Variants in PRKCE observed in about 807,000 individuals in gnomAD.
PRKCE encodes protein kinase C epsilon, also known as protein kinase C epsilon type.
In PRKCE, 16 loss-of-function variants were observed where a neutral mutation model predicts 85.4. That is an observed-to-expected ratio of 0.19 (90% confidence interval 0.13 to 0.28). PRKCE has a LOEUF of 0.28. PRKCE is among the 10% of genes least tolerant of loss of function. The pLI is 1.00. For synonymous variants in PRKCE, 388 were observed against 371.5 expected (o/e 1.04, Z -0.51); for missense variants, 573 against 975.2 (o/e 0.59, Z 5.49).
At chr2:46,017,464 T>G (rs1186640864) in intron 10 of PRKCE, among the ~76,000 whole-genome samples, 2 of 152,240 alleles carry the variant, frequency 1.3e-5, no homozygotes, top group Non-Finnish European at 2.9e-5. Flanking sequence ...TGGATGGACA[T>G]TTTGACTTCC....
At chr2:45,684,795 G>A (rs541122428) in intron 1 of PRKCE, among the ~76,000 whole-genome samples, 6 of 152,288 alleles carry the variant, frequency 3.9e-5, no homozygotes, top group South Asian at 4.1e-4. Context: ...GGTAGTGTGC[G>A]CATCCAAGGA....
intron 1 of PRKCE, among the ~76,000 whole-genome samples, chr2:45,680,099 T>A (rs1676771592): frequency 6.6e-6 from 1 of 152,128 alleles, no homozygotes; most frequent in South Asian, 2.1e-4. Flanking sequence ...AGAGTGAGGG[T>A]ACAGATTTGA....
intron 11 of PRKCE, among the ~76,000 whole-genome samples, chr2:46,135,595 C>G (rs1339841976): frequency 6.6e-6 from 1 of 151,978 alleles, no homozygotes; most frequent in Admixed American, 6.6e-5. Flanking sequence ...AATTGTGTTG[C>G]TCCTAAATGA....
Position 45,652,313 on chromosome 2 carries a change from C to G in PRKCE, c.213C>G (p.Thr71=). ...CGGCCTGGCACGACGAGTTCGTCAC[C>G]GATGTGTGCAACGGACGCAAGATCG... is the stretch of plus-strand genomic sequence containing the variant. ...NSPAWHDEFV[T]DVCNGRKIEL... is the part of the protein sequence containing the mutation. The change falls in exon 1 of 15, where the codon ACC becomes ACG. Residue 71 remains threonine, a synonymous_variant. Coordinates refer to ENST00000306156, the MANE Select transcript of PRKCE (RefSeq NM_005400.3). The surrounding 1 kb of genome is among the most constrained non-coding windows in gnomAD (Gnocchi z 7.7). The G allele has an allele frequency of 6.2e-7, 1 of 1,613,770 alleles. No homozygotes were observed. Among genetic ancestry groups the G allele is most frequent in the Non-Finnish European group, 8.5e-7 (1 of 1,180,034 alleles).
chr2:46,163,664 C>T (rs191526898), intron 14 of PRKCE, among the ~76,000 whole-genome samples: 1,469 of 132,286 alleles, frequency 0.011, 33 homozygotes, highest in East Asian at 0.025. Context: ...AGCTGAGGCA[C>T]ACCCCACAGA....
chr2:45,697,882 G>GC lies in PRKCE; in HGVS notation c.348+45434_348+45435insC. 6.6e-6 allele frequency: 1 copy of GC among 152,220 alleles called. No homozygotes were observed. The highest frequency in any genetic ancestry group is 6.6e-5 in the Admixed American group (1 of 15,236). 9.4% of individuals were successfully genotyped at this position (152,220 alleles called of 1,614,324 possible). ...TCCCCAGATTCTTTAATTGGATGTA[G>GC]TTTTTTTTTACATTGGAAGAAATTG... On this transcript the variant is annotated intron_variant, in intron 1 of 14. Transcript: ENST00000306156. The surrounding 1 kb of genome is among the most constrained non-coding windows in gnomAD (Gnocchi z 4.2).
In PRKCE at chr2:45,743,605, A is replaced by G. The variant is rs561286441; in HGVS notation, c.348+91157A>G. 2.4e-3 allele frequency among the ~76,000 whole-genome samples: 364 copies of G among 152,256 alleles called. 2 individuals are homozygous for G. Among genetic ancestry groups the G allele is most frequent in the Non-Finnish European group, 4.3e-3 (291 of 68,022 alleles). ...CTTCCCACTGAGCCAACTCTGGTTTATCTTTCAGATCCCGCCCTGCCTGGC... is the reference window on the plus strand; with the variant it reads ...CTTCCCACTGAGCCAACTCTGGTTTGTCTTTCAGATCCCGCCCTGCCTGGC... On this transcript the variant is annotated intron_variant, in intron 1 of 14. Transcript: ENST00000306156.
chr2:45,681,815 G>T (rs1676928902), intron 1 of PRKCE, among the ~76,000 whole-genome samples: 1 of 152,158 alleles, frequency 6.6e-6, no homozygotes, highest in South Asian at 2.1e-4. Flanking sequence ...CTGGCTTGGT[G>T]CTCACTAAGT....
chr2:45,752,182 T>A (rs1683630886), intron 1 of PRKCE, among the ~76,000 whole-genome samples: 1 of 152,222 alleles, frequency 6.6e-6, no homozygotes, highest in African/African-American at 2.4e-5. Context: ...GTTGAATACT[T>A]GTTATGTGCT....
chr2:45,835,698 C>T (rs997691463), intron 1 of PRKCE, among the ~76,000 whole-genome samples: 1 of 151,714 alleles, frequency 6.6e-6, no homozygotes, highest in Non-Finnish European at 1.5e-5. Context: ...TCAAGCCATT[C>T]TCCTGCCTCA....
chr2:46,048,997 C>T (rs369913685), intron 10 of PRKCE, among the ~76,000 whole-genome samples: 3 of 152,236 alleles, frequency 2.0e-5, no homozygotes, highest in East Asian at 1.9e-4. Context: ...AGGAGGAACT[C>T]CAAAAAACTT....
intron 2 of PRKCE, among the ~76,000 whole-genome samples, chr2:45,941,770 C>T (rs1367784942): frequency 2.6e-5 from 4 of 152,136 alleles, no homozygotes; most frequent in African/African-American, 9.7e-5. Flanking sequence ...TAGATAACCT[C>T]TACGGTCCAC....
chr2:45,710,919 C>T (rs945603660), intron 1 of PRKCE, among the ~76,000 whole-genome samples: 3 of 152,176 alleles, frequency 2.0e-5, no homozygotes, highest in Admixed American at 6.5e-5. Flanking sequence ...AGAGGGGGGA[C>T]CTTGCCTTCT....
chr2:45,975,940 A>G (rs1464692160), intron 2 of PRKCE, among the ~76,000 whole-genome samples: 2 of 152,218 alleles, frequency 1.3e-5, no homozygotes, highest in East Asian at 3.9e-4. Context: ...CAGGAAGCTT[A>G]GGGTGTGGAG....
At chr2:45,730,426 G>A (rs890889225) in intron 1 of PRKCE, among the ~76,000 whole-genome samples, 15 of 149,580 alleles carry the variant, frequency 1.0e-4, no homozygotes, top group African/African-American at 3.7e-4. Context: ...CCAAAGCTCT[G>A]GGATTACAAC....
chr2:46,061,862 T>C (rs1337954500), intron 10 of PRKCE, among the ~76,000 whole-genome samples: 36 of 107,174 alleles, frequency 3.4e-4, no homozygotes, highest in African/African-American at 9.3e-4. Flanking sequence ...TCTTTTTCTT[T>C]TTTTTTTTTT....
At chr2:45,695,947 A>G (rs1678110482) in intron 1 of PRKCE, among the ~76,000 whole-genome samples, 1 of 152,034 alleles carries the variant, frequency 6.6e-6, no homozygotes, top group Admixed American at 6.6e-5. Context: ...TTTTTATTTT[A>G]TTATTATTAT....
At chr2:45,663,391 G>T (rs1572882358) in intron 1 of PRKCE, among the ~76,000 whole-genome samples, 1 of 152,180 alleles carries the variant, frequency 6.6e-6, no homozygotes, top group Admixed American at 6.5e-5. Context: ...AATTAATGTG[G>T]GTTCTGCTAG....
intron 11 of PRKCE, among the ~76,000 whole-genome samples, chr2:46,130,897 A>T (rs1450901234): frequency 6.6e-6 from 1 of 152,266 alleles, no homozygotes; most frequent in Non-Finnish European, 1.5e-5. Context: ...CCCTTGTGCC[A>T]TCAGGATACT....
Sources: allele counts gnomAD v4.1 joint callset (sites outside exome capture counted in the v4.1 genomes callset), GRCh38; gene constraint gnomAD v4.1.1; non-coding constraint Gnocchi (gnomAD v3.1); transcripts MANE v1.5; gene names NCBI Gene and HGNC (gene_info 2026-07-23, HGNC 2026-07-21).